The following STX3 variants were observed in gnomAD, a reference collection of about 807,000 sequenced individuals.
The protein encoded by STX3 is syntaxin 3, also known as syntaxin-3.
STX3 carries 19 observed loss-of-function variants against 40.2 expected under a neutral mutation model. The ratio of observed to expected loss-of-function variants is 0.47; its 90% confidence interval spans 0.33 to 0.69. The LOEUF (loss-of-function observed/expected upper bound fraction) is 0.69, where lower values mean the gene tolerates loss of function less well. Among genes scored for constraint, STX3 ranks in the 30% least tolerant of loss-of-function variants. The probability of loss-of-function intolerance (pLI) is 0.02; values close to 1 mark genes in which losing one functional copy is unlikely to be tolerated. For missense variants in STX3, 364 were observed against 366.7 expected, an observed-to-expected ratio of 0.99 and a Z score of 0.06; for synonymous variants, 122 against 132.2, an observed-to-expected ratio of 0.92 and a Z score of 0.53.
chr11:59,765,391 GTGTATGTGTC>G (rs1237971104), intron 1 of STX3, among the ~76,000 whole-genome samples: 1 of 152,198 alleles, frequency 6.6e-6, no homozygotes, highest in Non-Finnish European at 1.5e-5. Context: ...ACATGGGTGT[GTGTATGTGTC>G]TGTGTGTGTC....
chr11:59,803,578 A>C lies in STX3; in HGVS notation c.*2754A>C, dbSNP rs577453508. ...GGTGAAGGATAGTGATTCCTGCTAA[A>C]CAGTTTGAGCCTTGGTATCTGGAAG... On this transcript the variant is annotated 3_prime_UTR_variant, in exon 11 of 11. Transcript: ENST00000337979. Among the ~76,000 whole-genome samples, 156 of 152,320 alleles carry C rather than the reference A, an allele frequency of 1.0e-3. No individual in the cohort carries two copies. The highest frequency in any genetic ancestry group is 3.6e-3 in the African/African-American group (149 of 41,568).
chr11:59,789,023 A>G, intron 4 of STX3, 76 bp downstream of exon 4: 2 of 1,324,578 alleles, frequency 1.5e-6, no homozygotes, highest in South Asian at 2.6e-5. Context: ...AGCTTTCCGA[A>G]CTGAAACTCC....
At chr11:59,781,062 C>T (rs1864334291) in intron 2 of STX3, among the ~76,000 whole-genome samples, 1 of 150,964 alleles carries the variant, frequency 6.6e-6, no homozygotes, top group Admixed American at 6.6e-5. Context: ...CCTTTTCCCT[C>T]CCTTTTCATC....
chr11:59,803,162 T>C lies in STX3; in HGVS notation c.*2338T>C. 1 of 1,231,502 alleles carries C rather than the reference T, an allele frequency of 8.1e-7. No individual in the cohort carries two copies. The highest frequency in any genetic ancestry group is 4.1e-5 in the South Asian group (1 of 24,300). 76.3% of individuals were successfully genotyped at this position (1,231,502 alleles called of 1,614,324 possible). The stretch of plus-strand genomic sequence containing the variant: ...CACATGCACTTATCTCCCTGCAGAA[T>C]ACTTTTTGCGATGATGTTTCTCATG... On this transcript the variant is annotated 3_prime_UTR_variant, in exon 11 of 11. Coordinates refer to ENST00000337979, the MANE Select transcript of STX3 (RefSeq NM_004177.5).
chr11:59,780,302 G>T (rs1001306503), intron 2 of STX3, among the ~76,000 whole-genome samples: 1 of 152,192 alleles, frequency 6.6e-6, no homozygotes, highest in African/African-American at 2.4e-5. Context: ...AAAGAGACGT[G>T]AGAAAGATGA....
At chr11:59,789,024 C>G (rs1483684007) in intron 4 of STX3, 77 bp downstream of exon 4, 2 of 1,307,542 alleles carry the variant, frequency 1.5e-6, no homozygotes, top group East Asian at 5.1e-5. Context: ...GCTTTCCGAA[C>G]TGAAACTCCT....
chr11:59,794,363 A>G (rs1023666261), intron 8 of STX3, among the ~76,000 whole-genome samples: 2 of 152,224 alleles, frequency 1.3e-5, no homozygotes, highest in African/African-American at 2.4e-5. Context: ...CACTGTTGCC[A>G]TGAACTTCCA....
chr11:59,755,432 C>T lies in STX3; in HGVS notation c.-174C>T, dbSNP rs889878656. On this transcript the variant is annotated 5_prime_UTR_variant, in exon 1 of 11. Transcript: ENST00000337979. ...GAGGGGGCTGCGCGGCGGAGGCTCC[C>T]GTGGCCTCGGACGCTCCTCCTAGCT... The T allele has an allele frequency of 8.3e-6, 5 of 599,090 alleles. No homozygotes were observed. Among genetic ancestry groups the T allele is most frequent in the Admixed American group, 8.9e-5 (2 of 22,422 alleles). 37.1% of individuals were successfully genotyped at this position (599,090 alleles called of 1,614,324 possible).
chr11:59,795,975 G>A (rs1320238918), intron 9 of STX3, among the ~76,000 whole-genome samples: 3 of 152,170 alleles, frequency 2.0e-5, no homozygotes, highest in Non-Finnish European at 4.4e-5. Context: ...CCCAGGTGGT[G>A]CTGCTAATCT....
In STX3 at chr11:59,804,443, TATTTC is replaced by T. The variant is rs1237436713; in HGVS notation, c.*3621_*3625del. The T allele has an allele frequency of 6.6e-6, 1 of 152,248 alleles. No homozygotes were observed. The highest frequency in any genetic ancestry group is 2.4e-5 in the African/African-American group (1 of 41,456). 9.4% of individuals were successfully genotyped at this position (152,248 alleles called of 1,614,324 possible). A position where few individuals can be genotyped will look rare whatever the true frequency, so the allele number is the denominator to read the frequency against. On this transcript the variant is annotated 3_prime_UTR_variant, in exon 11 of 11. Coordinates refer to ENST00000337979, the MANE Select transcript of STX3 (RefSeq NM_004177.5). ...ACTTAATTACTTATAATTAAGCTCTTATTTCAGTCATGGACAAATCCTTGGGTTTG... is the reference window on the plus strand; with the variant it reads ...ACTTAATTACTTATAATTAAGCTCTTAGTCATGGACAAATCCTTGGGTTTG...
Position 59,802,967 on chromosome 11 carries a change from A to G in STX3, c.*2143A>G, listed in dbSNP as rs1865948999. 1 of 985,246 alleles carries G rather than the reference A, an allele frequency of 1.0e-6. No individual in the cohort carries two copies. Among genetic ancestry groups the G allele is most frequent in the Non-Finnish European group, 1.2e-6 (1 of 829,902 alleles). The allele number at this position is 985,246 out of a possible 1,614,324, so 61.0% of individuals were successfully genotyped here. A position where few individuals can be genotyped will look rare whatever the true frequency, so the allele number is the denominator to read the frequency against. On this transcript the variant is annotated 3_prime_UTR_variant, in exon 11 of 11. Coordinates refer to ENST00000337979, the MANE Select transcript of STX3 (RefSeq NM_004177.5). ...CTGGCTTTAGGAGGAAATGGGGGAG[A>G]TCTGTCACGATGTTATCTAGAAGGT...
chr11:59,760,478 G>A (rs775304499), intron 1 of STX3, among the ~76,000 whole-genome samples: 3 of 151,196 alleles, frequency 2.0e-5, no homozygotes, highest in Non-Finnish European at 2.9e-5. Flanking sequence ...ACCACTGTCC[G>A]TTGCTTTTTA....
At chr11:59,758,175 G>A (rs989688324) in intron 1 of STX3, among the ~76,000 whole-genome samples, 4 of 152,154 alleles carry the variant, frequency 2.6e-5, no homozygotes, top group African/African-American at 7.2e-5. Context: ...TGAGGAATCT[G>A]TAAGAAAGCG....
intron 6 of STX3, 77 bp downstream of exon 6, chr11:59,792,292 G>C: frequency 7.9e-7 from 1 of 1,266,308 alleles, no homozygotes; most frequent in Non-Finnish European, 1.1e-6. Flanking sequence ...TGAGGCCCTG[G>C]TGGAGCAAGC....
At chr11:59,757,259 C>T (rs974506624) in intron 1 of STX3, among the ~76,000 whole-genome samples, 1 of 152,114 alleles carries the variant, frequency 6.6e-6, no homozygotes, top group African/African-American at 2.4e-5. Context: ...TTGAAGCACG[C>T]TGGTTGGGGA....
chr11:59,787,213 T>A (rs769686494), intron 3 of STX3, 77 bp downstream of exon 3: 6 of 1,312,224 alleles, frequency 4.6e-6, no homozygotes, highest in Non-Finnish European at 6.6e-6. Flanking sequence ...TTTCTTGCCC[T>A]TCGTGAGCAG....
At chr11:59,790,424 C>A in intron 4 of STX3, 95 bp from the exon 5 acceptor site, 1 of 957,728 alleles carries the variant, frequency 1.0e-6, no homozygotes, top group Non-Finnish European at 1.7e-6. Context: ...TCTCCGTGGG[C>A]TGGATGTGTG....
chr11:59,795,618 G>C, intron 9 of STX3, 136 bp downstream of exon 9: 2 of 1,540,226 alleles, frequency 1.3e-6, no homozygotes, highest in Non-Finnish European at 1.7e-6. Context: ...ATGATTGACC[G>C]TATTGAGAAC....
chr11:59,778,671 C>A (rs2134955597), intron 2 of STX3, among the ~76,000 whole-genome samples: 2 of 152,318 alleles, frequency 1.3e-5, no homozygotes, highest in East Asian at 3.9e-4. Flanking sequence ...CTGCTTCTTT[C>A]TTCTCTTGGA....
Sources: allele counts gnomAD v4.1 joint callset (sites outside exome capture counted in the v4.1 genomes callset), GRCh38; gene constraint gnomAD v4.1.1; transcripts MANE v1.5; gene names NCBI Gene and HGNC (gene_info 2026-07-23, HGNC 2026-07-21).